The following GRIP1 variants were observed in gnomAD, a reference collection of about 807,000 sequenced individuals.
GRIP1 encodes the protein glutamate receptor interacting protein 1.
GRIP1 carries 45 observed loss-of-function variants against 129.9 expected under a neutral mutation model. That is an observed-to-expected ratio of 0.35 (90% CI 0.27 to 0.44). The LOEUF (loss-of-function observed/expected upper bound fraction) is 0.44, where lower values mean the gene tolerates loss of function less well. Ranked by LOEUF, GRIP1 falls within the 20% of genes least tolerant of loss-of-function variation. The pLI is 1.00. For missense variants in GRIP1, 1,196 were observed against 1,396.8 expected (o/e 0.86, Z 2.29); for synonymous variants, 530 against 520.8 (o/e 1.02, Z -0.24).
intron 1 of GRIP1, among the ~76,000 whole-genome samples, chr12:66,895,480 T>C (rs772942634): frequency 1.3e-5 from 2 of 152,150 alleles, no homozygotes; most frequent in African/African-American, 2.4e-5. Context: ...GCCTCAGGTA[T>C]CTCTTGTAGC....
At chr12:66,615,365 A>T (rs1005461819) in intron 1 of GRIP1, among the ~76,000 whole-genome samples, 4 of 152,244 alleles carry the variant, frequency 2.6e-5, no homozygotes, top group Admixed American at 2.0e-4. Context: ...CGCTCAGAGG[A>T]GGGGAGCCAC....
intron 23 of GRIP1, among the ~76,000 whole-genome samples, chr12:66,369,340 CTTTTTTTTTTTT>C (rs758593628): frequency 4.8e-4 from 51 of 106,754 alleles, no homozygotes; most frequent in Non-Finnish European, 5.8e-4. Flanking sequence ...TTAACAAGAT[CTTTTTTTTTTTT>C]TTTTTTTTTT....
intron 1 of GRIP1, among the ~76,000 whole-genome samples, chr12:66,841,603 T>C (rs888535394): frequency 2.6e-5 from 4 of 152,190 alleles, no homozygotes; most frequent in Non-Finnish European, 4.4e-5. Context: ...TTATTTTCTA[T>C]AGGTATGAGC....
chr12:66,590,514 C>T (rs772454313), intron 2 of GRIP1, among the ~76,000 whole-genome samples: 3 of 152,166 alleles, frequency 2.0e-5, no homozygotes, highest in Non-Finnish European at 4.4e-5. Flanking sequence ...TTAATGCGTA[C>T]CTGCCATAAT....
At chr12:66,725,924 G>A (rs4506729) in intron 1 of GRIP1, among the ~76,000 whole-genome samples, 105,114 of 152,036 alleles carry the variant, frequency 0.69, 36,473 homozygotes, top group African/African-American at 0.73. Context: ...TCTTTTAAAA[G>A]GAAAACATGC....
chr12:66,719,230 AT>A (rs1158420095), intron 1 of GRIP1, among the ~76,000 whole-genome samples: 1 of 152,168 alleles, frequency 6.6e-6, no homozygotes, highest in African/African-American at 2.4e-5. Context: ...GAGGGGTACT[AT>A]TCTATTTTGC....
chr12:67,034,020 G>C (rs1387008725), intron 1 of GRIP1, among the ~76,000 whole-genome samples: 1 of 152,116 alleles, frequency 6.6e-6, no homozygotes, highest in Non-Finnish European at 1.5e-5. Context: ...TTATTTAAAG[G>C]CTGTAAAGAA....
chr12:66,974,441 G>A (rs2042123041), intron 1 of GRIP1, among the ~76,000 whole-genome samples: 1 of 152,132 alleles, frequency 6.6e-6, no homozygotes, highest in African/African-American at 2.4e-5. Context: ...CATGAAGGCA[G>A]GAATTTCAAC....
At chr12:66,663,625 G>A (rs146009159) in intron 1 of GRIP1, among the ~76,000 whole-genome samples, 2 of 152,282 alleles carry the variant, frequency 1.3e-5, no homozygotes, top group East Asian at 3.9e-4. Context: ...CATGTCTGTA[G>A]TTTATTTCTG....
At chr12:66,911,716 C>T (rs185935975) in intron 1 of GRIP1, among the ~76,000 whole-genome samples, 1 of 152,136 alleles carries the variant, frequency 6.6e-6, no homozygotes. Context: ...TCTTATCATG[C>T]AAAATTAATG....
intron 1 of GRIP1, among the ~76,000 whole-genome samples, chr12:66,979,252 A>AAACAACAAC (rs1555257219): frequency 9.1e-6 from 1 of 110,162 alleles, no homozygotes; most frequent in Non-Finnish European, 1.8e-5. Context: ...AAAAAAAAAA[A>AAACAACAAC]AACAAGCCCG....
At chr12:66,716,375 A>T (rs2035887509) in intron 1 of GRIP1, among the ~76,000 whole-genome samples, 1 of 151,976 alleles carries the variant, frequency 6.6e-6, no homozygotes. Flanking sequence ...TCCAGGCCCC[A>T]CTGCAGCCCA....
intron 16 of GRIP1, among the ~76,000 whole-genome samples, chr12:66,401,332 C>T (rs1284441701): frequency 6.6e-6 from 1 of 151,960 alleles, no homozygotes; most frequent in East Asian, 1.9e-4. Context: ...AATCCCAGCA[C>T]TTTGGGAGGC....
chr12:67,019,208 A>G (rs1047070748), intron 1 of GRIP1, among the ~76,000 whole-genome samples: 4 of 152,188 alleles, frequency 2.6e-5, no homozygotes, highest in African/African-American at 7.2e-5. Flanking sequence ...CAGCTGGCAC[A>G]ATACACACGC....
intron 2 of GRIP1, among the ~76,000 whole-genome samples, chr12:66,577,483 G>GCA (rs1156234518): frequency 6.6e-6 from 1 of 152,174 alleles, no homozygotes; most frequent in African/African-American, 2.4e-5. Flanking sequence ...ATCAGTAAGA[G>GCA]CACTCCGAGT....
chr12:66,620,728 T>TCTCG (rs2065233285), intron 1 of GRIP1, among the ~76,000 whole-genome samples: 1 of 151,858 alleles, frequency 6.6e-6, no homozygotes, highest in Non-Finnish European at 1.5e-5. Context: ...CTTTTCTCCC[T>TCTCG]CTCGCTCTCT....
chr12:66,806,841 T>C (rs2039003447), upstream of GRIP1, among the ~76,000 whole-genome samples: 1 of 152,032 alleles, frequency 6.6e-6, no homozygotes, highest in Admixed American at 6.6e-5. Flanking sequence ...TTTGTTAACA[T>C]TTCAGTATCT....
chr12:66,943,248 A>T (rs1054390344), intron 1 of GRIP1, among the ~76,000 whole-genome samples: 2 of 152,200 alleles, frequency 1.3e-5, no homozygotes, highest in African/African-American at 4.8e-5. Context: ...GCTTATAAGT[A>T]GTAAGGGTCT....
At chr12:66,884,613 G>GA (rs1249470031) in intron 1 of GRIP1, among the ~76,000 whole-genome samples, 1 of 151,938 alleles carries the variant, frequency 6.6e-6, no homozygotes, top group Admixed American at 6.6e-5. Context: ...AGCCTTAACA[G>GA]AAAAAAATGT....
Sources: gnomAD v4.1 joint callset for allele counts (sites outside exome capture counted in the v4.1 genomes callset) on GRCh38, gnomAD v4.1.1 for gene constraint, MANE v1.5 for transcripts, NCBI Gene and HGNC (gene_info 2026-07-23, HGNC 2026-07-21) for gene names.